Variants in SNTG1 observed in about 807,000 individuals in gnomAD.
SNTG1 encodes syntrophin gamma 1, also known as gamma-1-syntrophin.
A neutral mutation model predicts 74.7 loss-of-function variants in SNTG1; 39 were observed. That is an observed-to-expected ratio of 0.52 (90% CI 0.40 to 0.68). The LOEUF (loss-of-function observed/expected upper bound fraction) is 0.68, where lower values mean the gene tolerates loss of function less well. Among genes scored for constraint, SNTG1 ranks in the 30% least tolerant of loss-of-function variants. The probability of loss-of-function intolerance (pLI) is 0.00; values close to 1 mark genes in which losing one functional copy is unlikely to be tolerated. For missense variants in SNTG1, 685 were observed against 609.5 expected, an observed-to-expected ratio of 1.12 and a Z score of -1.30; for synonymous variants, 254 against 217.1, an observed-to-expected ratio of 1.17 and a Z score of -1.49.
intron 2 of SNTG1, among the ~76,000 whole-genome samples, chr8:50,277,264 CAA>C (rs11361478): frequency 0.075 from 7,100 of 95,198 alleles, 164 homozygotes; most frequent in Middle Eastern, 0.15. Flanking sequence ...AAGACCCTGC[CAA>C]AAAAAAAAAA....
intron 2 of SNTG1, among the ~76,000 whole-genome samples, chr8:50,380,142 C>A (rs1023464903): frequency 6.6e-6 from 1 of 152,184 alleles, no homozygotes; most frequent in Non-Finnish European, 1.5e-5. Context: ...TTAAAAGAAA[C>A]CAGTATCCTA....
intron 18 of SNTG1, among the ~76,000 whole-genome samples, chr8:50,757,927 CTGA>C (rs2095585581): frequency 6.6e-6 from 1 of 151,926 alleles, no homozygotes; most frequent in South Asian, 2.1e-4. Flanking sequence ...CAACACTACA[CTGA>C]TTCACAGGTG....
chr8:50,768,047 C>T (rs1279535044), intron 18 of SNTG1, among the ~76,000 whole-genome samples: 5 of 151,954 alleles, frequency 3.3e-5, no homozygotes, highest in Non-Finnish European at 7.4e-5. Context: ...AAGAAATTTG[C>T]TTCTCTATTT....
At chr8:50,060,973 T>C (rs1273266209) in intron 1 of SNTG1, among the ~76,000 whole-genome samples, 4 of 152,166 alleles carry the variant, frequency 2.6e-5, no homozygotes, top group Non-Finnish European at 4.4e-5. Context: ...TGTTGAGACT[T>C]TTAATGTTTA....
chr8:50,565,368 A>G (rs2094510702), intron 12 of SNTG1, among the ~76,000 whole-genome samples: 1 of 151,408 alleles, frequency 6.6e-6, no homozygotes, highest in Admixed American at 6.6e-5. Context: ...TATTAATCAT[A>G]ATAAATGTGT....
At chr8:49,929,885 G>C (rs1350050869) in intron 1 of SNTG1, among the ~76,000 whole-genome samples, 8 of 91,730 alleles carry the variant, frequency 8.7e-5, no homozygotes, top group South Asian at 3.6e-4. Flanking sequence ...CCCCACCACA[G>C]TCCCCAGAGG....
chr8:50,179,798 T>C (rs2131705126), intron 2 of SNTG1, among the ~76,000 whole-genome samples: 1 of 152,240 alleles, frequency 6.6e-6, no homozygotes, highest in Non-Finnish European at 1.5e-5. Context: ...AGCAAGGGTG[T>C]GGAGGGAAGG....
chr8:50,289,807 A>G (rs900998106), intron 2 of SNTG1, among the ~76,000 whole-genome samples: 7 of 152,206 alleles, frequency 4.6e-5, no homozygotes, highest in African/African-American at 1.7e-4. Flanking sequence ...GGTTACAGTC[A>G]GGATTGGTAC....
chr8:50,080,749 C>CAAATGAGGAA (rs1822328804), intron 1 of SNTG1, among the ~76,000 whole-genome samples: 2 of 152,112 alleles, frequency 1.3e-5, no homozygotes, highest in Non-Finnish European at 2.9e-5. Context: ...AAAGCTGACA[C>CAAATGAGGAA]AGCCAATATG....
intron 1 of SNTG1, among the ~76,000 whole-genome samples, chr8:50,089,071 G>C (rs1362643704): frequency 6.6e-6 from 1 of 151,390 alleles, no homozygotes; most frequent in Non-Finnish European, 1.5e-5. Flanking sequence ...TAGATCAATG[G>C]AACAGAACAG....
At chr8:50,153,530 G>A (rs112734740) in intron 1 of SNTG1, among the ~76,000 whole-genome samples, 3 of 152,244 alleles carry the variant, frequency 2.0e-5, no homozygotes, top group African/African-American at 4.8e-5. Flanking sequence ...CATCTTTGTG[G>A]TTTTATTTAC....
At chr8:50,342,401 A>C in intron 2 of SNTG1, among the ~76,000 whole-genome samples, 1 of 152,284 alleles carries the variant, frequency 6.6e-6, no homozygotes, top group Non-Finnish European at 1.5e-5. Flanking sequence ...CTTCTATACT[A>C]CGTTTTAAAG....
At chr8:50,327,908 T>A (rs2090816163) in intron 2 of SNTG1, among the ~76,000 whole-genome samples, 1 of 152,136 alleles carries the variant, frequency 6.6e-6, no homozygotes, top group South Asian at 2.1e-4. Context: ...AATAACTACT[T>A]CTCTTCACAG....
At chr8:50,191,553 CTG>C (rs761730058) in intron 2 of SNTG1, among the ~76,000 whole-genome samples, 2 of 152,038 alleles carry the variant, frequency 1.3e-5, no homozygotes, top group African/African-American at 2.4e-5. Flanking sequence ...TGAGGGGAAA[CTG>C]TTCTTGTTTT....
intron 2 of SNTG1, among the ~76,000 whole-genome samples, chr8:50,275,904 C>T (rs1041075040): frequency 1.3e-5 from 2 of 152,156 alleles, no homozygotes; most frequent in African/African-American, 4.8e-5. Context: ...TTTCTCTTTG[C>T]TCTGGTTTCT....
intron 2 of SNTG1, among the ~76,000 whole-genome samples, chr8:50,223,098 A>G (rs2085152271): frequency 6.6e-6 from 1 of 152,136 alleles, no homozygotes; most frequent in Non-Finnish European, 1.5e-5. Context: ...TTCCAGGACC[A>G]ACTCAAAATA....
intron 1 of SNTG1, among the ~76,000 whole-genome samples, chr8:50,056,986 A>G (rs567553604): frequency 1.3e-5 from 2 of 152,294 alleles, no homozygotes; most frequent in African/African-American, 4.8e-5. Flanking sequence ...CTTATAATTT[A>G]TTATATCAAA....
At chr8:50,518,542 A>G (rs1014006087) in intron 9 of SNTG1, among the ~76,000 whole-genome samples, 2 of 150,556 alleles carry the variant, frequency 1.3e-5, no homozygotes, top group Admixed American at 6.6e-5. Flanking sequence ...AAAGATTAAC[A>G]TAATAGACCA....
At chr8:50,583,831 G>A (rs1254560644) in intron 12 of SNTG1, among the ~76,000 whole-genome samples, 1 of 149,398 alleles carries the variant, frequency 6.7e-6, no homozygotes, top group African/African-American at 2.5e-5. Context: ...ATGCAGGTCT[G>A]TTACATATGT....
Sources: gnomAD v4.1 joint callset for allele counts (sites outside exome capture counted in the v4.1 genomes callset) on GRCh38, gnomAD v4.1.1 for gene constraint, MANE v1.5 for transcripts, NCBI Gene and HGNC (gene_info 2026-07-23, HGNC 2026-07-21) for gene names.